The following CADPS variants were observed in gnomAD, a reference collection of about 807,000 sequenced individuals.
CADPS encodes the protein calcium dependent secretion activator, also known as calcium-dependent secretion activator 1.
A neutral mutation model predicts 167.3 loss-of-function variants in CADPS; 57 were observed. The observed-to-expected ratio is 0.34, with a 90% CI of 0.28 to 0.42. CADPS has a LOEUF of 0.42. CADPS is among the 20% of genes least tolerant of loss of function. The pLI is 1.00. For missense variants in CADPS, 1,414 were observed against 1,738.1 expected, an observed-to-expected ratio of 0.81 and a Z score of 3.32; for synonymous variants, 676 against 635.3, an observed-to-expected ratio of 1.06 and a Z score of -0.96.
intron 26 of CADPS, among the ~76,000 whole-genome samples, chr3:62,450,077 G>C (rs1311076972): frequency 6.6e-6 from 1 of 152,122 alleles, no homozygotes; most frequent in Non-Finnish European, 1.5e-5. Flanking sequence ...CCTCAGCCTG[G>C]TGGTGATAGT....
chr3:62,851,884 C>A, intron 1 of CADPS, among the ~76,000 whole-genome samples: 1 of 151,496 alleles, frequency 6.6e-6, no homozygotes, highest in South Asian at 2.1e-4. Context: ...CAACTTGGTT[C>A]CATTCTCCGC....
intron 5 of CADPS, among the ~76,000 whole-genome samples, chr3:62,646,663 G>C (rs917906077): frequency 6.6e-6 from 1 of 152,202 alleles, no homozygotes; most frequent in Non-Finnish European, 1.5e-5. Context: ...AAACTGGAGA[G>C]CACATGCTCC....
At chr3:62,414,376 A>G (rs1360965531) in intron 28 of CADPS, among the ~76,000 whole-genome samples, 1 of 152,242 alleles carries the variant, frequency 6.6e-6, no homozygotes, top group Non-Finnish European at 1.5e-5. Context: ...ATGTGTGTTC[A>G]GGAAGCCCTT....
chr3:62,658,017 T>C (rs1395027483), intron 4 of CADPS, among the ~76,000 whole-genome samples: 1 of 152,098 alleles, frequency 6.6e-6, no homozygotes, highest in Non-Finnish European at 1.5e-5. Context: ...ACACAGCAAC[T>C]TCTAGTGGAG....
At chr3:62,567,515 G>A (rs1300503217) in intron 9 of CADPS, among the ~76,000 whole-genome samples, 3 of 139,352 alleles carry the variant, frequency 2.2e-5, no homozygotes, top group Admixed American at 7.4e-5. Flanking sequence ...GCTGTGCCAA[G>A]TGCAATGAGA....
At chr3:62,511,217 A>G (rs1333176005) in intron 17 of CADPS, among the ~76,000 whole-genome samples, 3 of 152,162 alleles carry the variant, frequency 2.0e-5, no homozygotes, top group Non-Finnish European at 4.4e-5. Flanking sequence ...TGAACTCAGC[A>G]TTATTATGGC....
chr3:62,399,262 C>T lies in CADPS; in HGVS notation c.*144G>A, dbSNP rs1187609538. The T allele has an allele frequency of 1.5e-6, 1 of 687,610 alleles. No individual in the cohort carries two copies. The highest frequency in any genetic ancestry group is 2.7e-5 in the East Asian group (1 of 37,246). The allele number at this position is 687,610 out of a possible 1,614,324, so 42.6% of individuals were successfully genotyped here. On this transcript the variant is annotated 3_prime_UTR_variant, in exon 30 of 30. Coordinates refer to ENST00000383710, the MANE Select transcript of CADPS (RefSeq NM_003716.4). This position sits in a 1 kb window ranked among gnomAD's most constrained non-coding sequence, Gnocchi z 5.6. Reference sequence around the variant, plus strand: ...TGAAGGTCATTTGCTAATCTTGGTACCACATAGCTAAAATGGCAGTTGTAT... The same window carrying T: ...TGAAGGTCATTTGCTAATCTTGGTATCACATAGCTAAAATGGCAGTTGTAT...
At chr3:62,804,023 C>T (rs972269015) in intron 1 of CADPS, among the ~76,000 whole-genome samples, 1 of 152,040 alleles carries the variant, frequency 6.6e-6, no homozygotes, top group Non-Finnish European at 1.5e-5. Context: ...CTTTCCTGAC[C>T]ACACTGCCTC....
intron 3 of CADPS, among the ~76,000 whole-genome samples, chr3:62,678,040 G>A (rs768508154): frequency 1.3e-5 from 2 of 152,068 alleles, no homozygotes; most frequent in Admixed American, 6.6e-5. Flanking sequence ...AAGCCTCCTT[G>A]TTCCAGGAGA....
At chr3:62,520,374 G>T (rs1426745801) in intron 13 of CADPS, among the ~76,000 whole-genome samples, 1 of 152,102 alleles carries the variant, frequency 6.6e-6, no homozygotes, top group Non-Finnish European at 1.5e-5. Flanking sequence ...CCTAACAATG[G>T]ATTATGTTTT....
intron 15 of CADPS, 57 bp downstream of exon 15, chr3:62,516,523 C>A (rs986985570): frequency 1.5e-6 from 2 of 1,318,508 alleles, no homozygotes; most frequent in Admixed American, 2.1e-5. Context: ...CATTTCATTA[C>A]AATTATGCTT....
intron 2 of CADPS, among the ~76,000 whole-genome samples, chr3:62,764,566 C>T (rs184418533): frequency 7.9e-5 from 12 of 152,280 alleles, no homozygotes; most frequent in African/African-American, 2.6e-4. Flanking sequence ...GCAAACCAAT[C>T]AATAATATTT....
At chr3:62,840,384 T>C (rs1225817409) in intron 1 of CADPS, among the ~76,000 whole-genome samples, 1 of 152,198 alleles carries the variant, frequency 6.6e-6, no homozygotes, top group Non-Finnish European at 1.5e-5. Flanking sequence ...ATTTACACAA[T>C]GTTTAATAAT....
intron 28 of CADPS, among the ~76,000 whole-genome samples, chr3:62,406,405 T>C (rs1489300497): frequency 1.3e-5 from 2 of 152,214 alleles, no homozygotes; most frequent in African/African-American, 4.8e-5. Context: ...AGATTTGTTA[T>C]GATCTTCAAA....
intron 6 of CADPS, among the ~76,000 whole-genome samples, chr3:62,622,010 A>C (rs548308424): frequency 1.3e-5 from 2 of 151,464 alleles, no homozygotes; most frequent in East Asian, 3.9e-4. Flanking sequence ...CCATCCTCCT[A>C]CAAGTTTCAC....
chr3:62,408,948 T>G (rs2048419065), intron 28 of CADPS, among the ~76,000 whole-genome samples: 1 of 152,364 alleles, frequency 6.6e-6, no homozygotes, highest in Middle Eastern at 3.4e-3. Context: ...TGTACAGGAT[T>G]CCTAATATAC....
intron 28 of CADPS, among the ~76,000 whole-genome samples, chr3:62,429,287 A>G (rs2053447323): frequency 6.6e-6 from 1 of 152,148 alleles, no homozygotes; most frequent in Non-Finnish European, 1.5e-5. Context: ...GCAGATTCTG[A>G]TTCATTTGGT....
intron 3 of CADPS, among the ~76,000 whole-genome samples, chr3:62,675,944 A>G (rs113828473): frequency 0.047 from 7,117 of 152,046 alleles, 580 homozygotes; most frequent in African/African-American, 0.16. Context: ...CTCCTCCCCA[A>G]TTACTGTAAA....
chr3:62,855,091 A>ATTTTTTTTTTT lies in CADPS; in HGVS notation c.441+19487_441+19497dup, dbSNP rs554197608. Among the ~76,000 whole-genome samples, 848 of 92,612 alleles carry ATTTTTTTTTTT rather than the reference A, an allele frequency of 9.2e-3. 51 individuals carry two copies. The highest frequency in any genetic ancestry group is 0.019 in the East Asian group (60 of 3,134). 60.8% of individuals were successfully genotyped at this position (92,612 alleles called of 152,430 possible). On this transcript the variant is annotated intron_variant, in intron 1 of 29. Transcript: ENST00000383710. ...AGGCACGTGCCATCATGCCCGGCTA[A>ATTTTTTTTTTT]TTTTTTTTTTTTTTTTTTGTCTTTT...
Sources: allele counts gnomAD v4.1 joint callset (sites outside exome capture counted in the v4.1 genomes callset), GRCh38; gene constraint gnomAD v4.1.1; non-coding constraint Gnocchi (gnomAD v3.1); transcripts MANE v1.5; gene names NCBI Gene and HGNC (gene_info 2026-07-23, HGNC 2026-07-21).